Variants in SPAG16 observed in about 807,000 individuals in gnomAD.
SPAG16 encodes sperm-associated antigen 16 protein.
SPAG16 carries 86 observed loss-of-function variants against 80.4 expected under a neutral mutation model. The observed-to-expected ratio is 1.07, with a 90% CI of 0.90 to 1.28. The LOEUF is 1.28. Ranked by LOEUF, SPAG16 falls within the 50% of genes most tolerant of loss-of-function variation. The pLI, the probability that SPAG16 is intolerant of heterozygous loss-of-function variation, is 0.00. For missense variants in SPAG16, 870 were observed against 765.3 expected, an observed-to-expected ratio of 1.14 and a Z score of -1.61; for synonymous variants, 294 against 265.9, an observed-to-expected ratio of 1.11 and a Z score of -1.03.
At chr2:213,487,165 G>C (rs2074017561) in intron 9 of SPAG16, among the ~76,000 whole-genome samples, 1 of 152,006 alleles carries the variant, frequency 6.6e-6, no homozygotes, top group African/African-American at 2.4e-5. Flanking sequence ...ATAAACATGA[G>C]TGCCAGAGCC....
chr2:214,244,115 A>G (rs190563474), intron 15 of SPAG16, among the ~76,000 whole-genome samples: 121 of 152,254 alleles, frequency 7.9e-4, no homozygotes, highest in East Asian at 3.5e-3. Context: ...AATCAGTTAC[A>G]TATGTATAGG....
At chr2:214,374,165 A>G (rs996055811) in intron 15 of SPAG16, among the ~76,000 whole-genome samples, 11 of 152,250 alleles carry the variant, frequency 7.2e-5, no homozygotes, top group African/African-American at 2.7e-4. Flanking sequence ...ATTTTATGTT[A>G]TGGGCAACTT....
At position 214,198,440 on chromosome 2, in the gene SPAG16, C is replaced by A. The variant is rs185199529; in HGVS notation, c.1720+49174C>A. On this transcript the variant is annotated intron_variant, in intron 15 of 15. Coordinates refer to ENST00000331683, the MANE Select transcript of SPAG16 (RefSeq NM_024532.5). ...TTCTGCAAAAAGATATTATTTCATTCTTTTTTTGGTTGAGTAGTATTCTTG... is the reference window on the plus strand; with the variant it reads ...TTCTGCAAAAAGATATTATTTCATTATTTTTTTGGTTGAGTAGTATTCTTG... 3.6e-4 allele frequency among the ~76,000 whole-genome samples: 55 copies of A among 152,054 alleles called. No individual in the cohort carries two copies. The East Asian group carries it at 8.3e-3, about 23-fold the overall frequency.
chr2:213,881,772 T>C (rs2076354445), intron 11 of SPAG16, among the ~76,000 whole-genome samples: 1 of 152,102 alleles, frequency 6.6e-6, no homozygotes, highest in African/African-American at 2.4e-5. Flanking sequence ...ATGGGGATTA[T>C]GGGGATTACA....
intron 10 of SPAG16, among the ~76,000 whole-genome samples, chr2:213,767,531 G>A (rs889653475): frequency 2.6e-5 from 4 of 152,014 alleles, no homozygotes; most frequent in South Asian, 2.1e-4. Flanking sequence ...TTAGCCAGGC[G>A]GTTGAGAGGT....
rs1165853142 is a variant in SPAG16 at position 213,859,178 on chromosome 2, C to CAAAAAAAAAAAAAAAAAAAAA, written c.1071-3289_1071-3269dup. On this transcript the variant is annotated intron_variant, in intron 10 of 15. Coordinates refer to ENST00000331683, the MANE Select transcript of SPAG16 (RefSeq NM_024532.5). The stretch of plus-strand genomic sequence containing the variant: ...TGGGCAACAGAGCGACACTCCGTCT[C>CAAAAAAAAAAAAAAAAAAAAA]AAAAAAAAAAAAAAAAAAAAAAAAA... Among the ~76,000 whole-genome samples the CAAAAAAAAAAAAAAAAAAAAA allele has an allele frequency of 1.3e-3, 12 of 9,378 alleles. 4 individuals carry two copies. The highest frequency in any genetic ancestry group is 1.3e-3 in the Non-Finnish European group (7 of 5,530). 6.2% of individuals were successfully genotyped at this position (9,378 alleles called of 152,430 possible). A position where few individuals can be genotyped will look rare whatever the true frequency, so the allele number is the denominator to read the frequency against.
chr2:213,913,891 T>C (rs1273482759), intron 11 of SPAG16, among the ~76,000 whole-genome samples: 1 of 152,116 alleles, frequency 6.6e-6, no homozygotes, highest in Non-Finnish European at 1.5e-5. Flanking sequence ...TTCCATCTTA[T>C]TTGGGGACCT....
At chr2:214,342,925 G>A (rs924883115) in intron 15 of SPAG16, among the ~76,000 whole-genome samples, 1 of 152,126 alleles carries the variant, frequency 6.6e-6, no homozygotes, top group South Asian at 2.1e-4. Flanking sequence ...TGAAGCCATA[G>A]CATTGAATGT....
At chr2:214,357,086 T>A (rs1412427801) in intron 15 of SPAG16, among the ~76,000 whole-genome samples, 1 of 151,916 alleles carries the variant, frequency 6.6e-6, no homozygotes, top group African/African-American at 2.4e-5. Context: ...CCCACTCTTA[T>A]TATGGAGATA....
intron 15 of SPAG16, among the ~76,000 whole-genome samples, chr2:214,277,070 T>C (rs1284323125): frequency 3.9e-5 from 6 of 152,210 alleles, no homozygotes; most frequent in Non-Finnish European, 8.8e-5. Context: ...TTCTTCCACT[T>C]GATCGAATCG....
At chr2:214,299,972 A>G (rs1476399798) in intron 15 of SPAG16, among the ~76,000 whole-genome samples, 1 of 152,184 alleles carries the variant, frequency 6.6e-6, no homozygotes, top group Non-Finnish European at 1.5e-5. Context: ...ACTTTTATCA[A>G]CTTTATAAGT....
intron 5 of SPAG16, among the ~76,000 whole-genome samples, chr2:213,318,664 T>G (rs1043245260): frequency 1.3e-5 from 2 of 151,884 alleles, no homozygotes; most frequent in Admixed American, 1.3e-4. Flanking sequence ...AAAGAAAATA[T>G]AAACTATCCA....
At chr2:213,785,061 C>T (rs1394769146) in intron 10 of SPAG16, among the ~76,000 whole-genome samples, 1 of 151,738 alleles carries the variant, frequency 6.6e-6, no homozygotes, top group Admixed American at 6.6e-5. Flanking sequence ...AGGTCTATAC[C>T]TCTCATATAA....
chr2:214,067,023 G>A (rs980354760), intron 13 of SPAG16, among the ~76,000 whole-genome samples: 55 of 152,264 alleles, frequency 3.6e-4, no homozygotes, highest in African/African-American at 1.2e-3. Flanking sequence ...CACCAGGAGC[G>A]CTGGGCACAA....
At chr2:214,376,317 G>A (rs1700127916) in intron 15 of SPAG16, among the ~76,000 whole-genome samples, 1 of 152,082 alleles carries the variant, frequency 6.6e-6, no homozygotes, top group Non-Finnish European at 1.5e-5. Flanking sequence ...CTGGGATACA[G>A]CACCTTGTCT....
chr2:214,283,764 A>G (rs1240115207), intron 15 of SPAG16, among the ~76,000 whole-genome samples: 2 of 152,230 alleles, frequency 1.3e-5, no homozygotes, highest in Admixed American at 6.5e-5. Flanking sequence ...AAGTACACAT[A>G]TAACACTGCG....
At chr2:214,095,661 G>T (rs184544612) in intron 13 of SPAG16, among the ~76,000 whole-genome samples, 213 of 152,056 alleles carry the variant, frequency 1.4e-3, no homozygotes, top group Non-Finnish European at 2.5e-4. Context: ...AGAAAAAAAT[G>T]AAAACTTGTA....
At chr2:213,971,565 C>T (rs892432648) in intron 12 of SPAG16, among the ~76,000 whole-genome samples, 4 of 152,090 alleles carry the variant, frequency 2.6e-5, no homozygotes, top group African/African-American at 7.2e-5. Flanking sequence ...ATTATATTCA[C>T]AATATTATGC....
chr2:213,859,930 C>T (rs1046720271), intron 10 of SPAG16, among the ~76,000 whole-genome samples: 6 of 152,072 alleles, frequency 3.9e-5, no homozygotes, highest in African/African-American at 1.2e-4. Flanking sequence ...GAGAACTAAG[C>T]ATTTAGTACC....
Sources: gnomAD v4.1 joint callset for allele counts (sites outside exome capture counted in the v4.1 genomes callset) on GRCh38, gnomAD v4.1.1 for gene constraint, MANE v1.5 for transcripts, NCBI Gene and HGNC (gene_info 2026-07-23, HGNC 2026-07-21) for gene names.